LRRFIP1: variants seen among roughly 807,000 people sequenced by gnomAD.
LRRFIP1 encodes leucine-rich repeat flightless-interacting protein 1.
LRRFIP1 carries 62 observed loss-of-function variants against 104.4 expected under a neutral mutation model. The observed-to-expected ratio is 0.59, with a 90% CI of 0.48 to 0.73. The LOEUF (loss-of-function observed/expected upper bound fraction) is 0.73, where lower values mean the gene tolerates loss of function less well. Among genes scored for constraint, LRRFIP1 ranks in the 30% least tolerant of loss-of-function variants. The pLI is 0.00. For synonymous variants in LRRFIP1, 300 were observed against 299.0 expected (o/e 1.00, Z -0.03); for missense variants, 796 against 824.5 (o/e 0.97, Z 0.42).
At chr2:237,629,178 T>C (rs1008540472) in intron 1 of LRRFIP1, among the ~76,000 whole-genome samples, 1 of 152,270 alleles carries the variant, frequency 6.6e-6, no homozygotes, top group Non-Finnish European at 1.5e-5. Flanking sequence ...TAGGTGTTTG[T>C]CTATGTCTGT....
chr2:237,765,124 G>A (rs538696180), intron 19 of LRRFIP1: 5 of 262,212 alleles, frequency 1.9e-5, no homozygotes, highest in Non-Finnish European at 2.4e-5. Flanking sequence ...TTGGCCGGGC[G>A]TGATGGTGGG....
rs1053522578 is a variant in LRRFIP1, at chr2:237,649,325, T to C, written c.96+21585T>C. Among the ~76,000 whole-genome samples the C allele has an allele frequency of 6.0e-5, 9 of 150,924 alleles. No individual in the cohort carries two copies. Among genetic ancestry groups the C allele is most frequent in the African/African-American group, 1.9e-4 (8 of 41,034 alleles). On this transcript the variant is annotated intron_variant, in intron 1 of 23. Coordinates refer to ENST00000308482, the MANE Select transcript of LRRFIP1 (RefSeq NM_001137550.2). The surrounding 1 kb of genome is among the most constrained non-coding windows in gnomAD (Gnocchi z 4.1). ...CGGGCAGATAACTTGAGGTCAGGAGTTCAAGACCAACCTGGCCAACATAGT... is the reference window on the plus strand; with the variant it reads ...CGGGCAGATAACTTGAGGTCAGGAGCTCAAGACCAACCTGGCCAACATAGT...
chr2:237,773,505 T>A (rs1257511501), intron 22 of LRRFIP1, among the ~76,000 whole-genome samples: 2 of 152,090 alleles, frequency 1.3e-5, no homozygotes, highest in African/African-American at 4.8e-5. Flanking sequence ...GCCACTGCAC[T>A]CCAGCCTGGG....
In LRRFIP1 at chr2:237,774,394, T is replaced by G; in HGVS notation, c.1744T>G (p.Ser582Ala). Residue 582 changes from serine (S) to alanine (A), a missense_variant, in exon 23 of 24, where the codon TCA becomes GCA. Physicochemically the swap from Ser to Ala is moderately conservative, Grantham distance 99. Coordinates refer to ENST00000308482, the MANE Select transcript of LRRFIP1 (RefSeq NM_001137550.2). Reference sequence around the variant, plus strand: ...AGAGAGTCAAGTATCACGTTACAAATCAGCGGCTGAAAATGCAGAAAAAAT... The same window carrying G: ...AGAGAGTCAAGTATCACGTTACAAAGCAGCGGCTGAAAATGCAGAAAAAAT... ...RLESQVSRYK[S>A]AAENAEKIED... is the part of the protein sequence containing the mutation. 1 of 1,613,782 alleles carries G rather than the reference T, an allele frequency of 6.2e-7. No homozygotes were observed. The highest frequency in any genetic ancestry group is 1.1e-5 in the South Asian group (1 of 91,042).
At chr2:237,757,401 G>A (rs2059382436) in intron 16 of LRRFIP1, 55 bp from the exon 17 acceptor site, 1 of 1,192,494 alleles carries the variant, frequency 8.4e-7, no homozygotes, top group Non-Finnish European at 1.2e-6. Context: ...TCTCGGGCTG[G>A]GGTTTTTCTT....
At chr2:237,678,366 G>A (rs1239228508) in intron 1 of LRRFIP1, among the ~76,000 whole-genome samples, 1 of 152,206 alleles carries the variant, frequency 6.6e-6, no homozygotes, top group Non-Finnish European at 1.5e-5. Context: ...GCTGTGCAGA[G>A]TAGGGCAAGG....
At chr2:237,688,676 C>T (rs1442753999) in intron 1 of LRRFIP1, among the ~76,000 whole-genome samples, 1 of 151,946 alleles carries the variant, frequency 6.6e-6, no homozygotes. Context: ...CCAGGCTGGT[C>T]TCGAACTCCT....
At chr2:237,775,818 G>A (rs763263037) in intron 23 of LRRFIP1, among the ~76,000 whole-genome samples, 1 of 151,954 alleles carries the variant, frequency 6.6e-6, no homozygotes, top group Non-Finnish European at 1.5e-5. Flanking sequence ...AGCATGGGGC[G>A]ACAGAGTGAG....
rs889084332 is a variant in LRRFIP1 at position 237,661,375 on chromosome 2, TCTC to T, written c.96+33641_96+33643del. ...AGATGCCACCATGCCTGCCAGTCCC[TCTC>T]CTCCTTAGAGCACAAGCCCTCTGAT... is the stretch of plus-strand genomic sequence containing the variant. On this transcript the variant is annotated intron_variant, in intron 1 of 23. Transcript: ENST00000308482. The surrounding 1 kb of genome is among the most constrained non-coding windows in gnomAD (Gnocchi z 4.4). 2.6e-5 allele frequency among the ~76,000 whole-genome samples: 4 copies of T among 152,028 alleles called. No individual in the cohort carries two copies. Among genetic ancestry groups the T allele is most frequent in the African/African-American group, 7.3e-5 (3 of 41,364 alleles).
intron 23 of LRRFIP1, among the ~76,000 whole-genome samples, chr2:237,777,941 AT>A (rs1182302061): frequency 6.6e-6 from 1 of 151,842 alleles, no homozygotes; most frequent in South Asian, 2.1e-4. Context: ...CCAGTTCACC[AT>A]TTTTTTTAAA....
intron 1 of LRRFIP1, among the ~76,000 whole-genome samples, chr2:237,702,755 G>T (rs1267224376): frequency 6.6e-6 from 1 of 152,074 alleles, no homozygotes; most frequent in Non-Finnish European, 1.5e-5. Context: ...TATCTTGAAC[G>T]ACTCCACATA....
intron 1 of LRRFIP1, among the ~76,000 whole-genome samples, chr2:237,633,310 T>A (rs2082653601): frequency 6.6e-6 from 1 of 152,230 alleles, no homozygotes; most frequent in African/African-American, 2.4e-5. Context: ...AATGTGCCTG[T>A]GACCTTGGGC....
chr2:237,749,725 A>G (rs2058347292), intron 13 of LRRFIP1, among the ~76,000 whole-genome samples: 1 of 152,274 alleles, frequency 6.6e-6, no homozygotes, highest in South Asian at 2.1e-4. Context: ...CCCACTAAGT[A>G]TGTTCCCCTT....
At chr2:237,727,412 A>C (rs988179606) in intron 7 of LRRFIP1, among the ~76,000 whole-genome samples, 1 of 152,010 alleles carries the variant, frequency 6.6e-6, no homozygotes, top group Admixed American at 6.6e-5. Flanking sequence ...GGCCCATAGC[A>C]TCACAATGTG....
At chr2:237,662,567 A>G (rs1250950734) in intron 1 of LRRFIP1, among the ~76,000 whole-genome samples, 1 of 151,946 alleles carries the variant, frequency 6.6e-6, no homozygotes, top group Non-Finnish European at 1.5e-5. Context: ...ATTTGAAGAT[A>G]TATAACAATA....
rs192850629 is a variant in LRRFIP1 at position 237,757,463 on chromosome 2, G to A, written c.1139G>A (p.Arg380Gln). 1.1e-5 allele frequency: 17 copies of A among 1,587,972 alleles called. 1 individual carries two copies. The highest frequency in any genetic ancestry group is 3.5e-5 in the South Asian group (3 of 86,570). The change falls in exon 17 of 24, where the codon CGA becomes CAA. Residue 380 changes from arginine to glutamine, a missense_variant. Arg to Gln is a conservative substitution (Grantham distance 43). Coordinates refer to ENST00000308482, the MANE Select transcript of LRRFIP1 (RefSeq NM_001137550.2). ...GTCTGTTCCTTTCCTCAGGAAATCC[G>A]ACAGCTACAGCAGAAACAGGCGAGT... ...KQREEMLEEI[R>Q]QLQQKQASSI...
At chr2:237,732,018 T>C (rs188484596) in intron 8 of LRRFIP1, among the ~76,000 whole-genome samples, 44 of 152,354 alleles carry the variant, frequency 2.9e-4, no homozygotes, top group African/African-American at 1.1e-3. Context: ...TAGAATGTAG[T>C]ATTGATGACT....
chr2:237,674,744 G>A (rs1194894426), intron 1 of LRRFIP1, among the ~76,000 whole-genome samples: 1 of 152,238 alleles, frequency 6.6e-6, no homozygotes, highest in Non-Finnish European at 1.5e-5. Context: ...GGTAGTATTA[G>A]AAGTGTGACC....
rs199838120 is a variant in LRRFIP1 at position 237,774,372 on chromosome 2, G to C, written c.1722G>C (p.Glu574Asp). 1.2e-6 allele frequency: 2 copies of C among 1,611,496 alleles called. No homozygotes were observed. The highest frequency in any genetic ancestry group is 2.7e-5 in the African/African-American group (2 of 74,958). Residue 574 changes from glutamate to aspartate, a missense_variant, in exon 23 of 24, where the codon GAG becomes GAC. By Grantham distance (45) the Glu-to-Asp change is conservative. Transcript: ENST00000308482. ...TALEQNVIRL[E>D]SQVSRYKSAA... Reference sequence around the variant, plus strand: ...CTACCTTTTAGGTAATAAGGTTAGAGAGTCAAGTATCACGTTACAAATCAG... The same window carrying C: ...CTACCTTTTAGGTAATAAGGTTAGACAGTCAAGTATCACGTTACAAATCAG...
Sources: allele counts gnomAD v4.1 joint callset (sites outside exome capture counted in the v4.1 genomes callset), GRCh38; gene constraint gnomAD v4.1.1; non-coding constraint Gnocchi (gnomAD v3.1); transcripts MANE v1.5; gene names NCBI Gene and HGNC (gene_info 2026-07-23, HGNC 2026-07-21).